The following CAST variants were observed in gnomAD, a reference collection of about 807,000 sequenced individuals.
The protein encoded by CAST is MIR583 host.
In CAST, 76 loss-of-function variants were observed where a neutral mutation model predicts 119.6. That is an observed-to-expected ratio of 0.64 (90% CI 0.53 to 0.77). CAST has a LOEUF of 0.77. Ranked by LOEUF, CAST falls within the 30% of genes least tolerant of loss-of-function variation. The pLI is 0.00. For missense variants in CAST, 953 were observed against 946.5 expected (o/e 1.01, Z -0.09); for synonymous variants, 319 against 331.6 (o/e 0.96, Z 0.41).
At chr5:96,602,191 C>A (rs767979656) in intron 1 of CAST, among the ~76,000 whole-genome samples, 6 of 152,204 alleles carry the variant, frequency 3.9e-5, no homozygotes, top group Non-Finnish European at 8.8e-5. Context: ...TTGAGGACGG[C>A]TGAAACAGTA....
the CAST span, among the ~76,000 whole-genome samples, chr5:96,273,520 A>G: frequency 6.6e-6 from 1 of 152,208 alleles, no homozygotes; most frequent in African/African-American, 2.4e-5. Flanking sequence ...TGGCCTGTCG[A>G]TGAATGACAA....
the CAST span, among the ~76,000 whole-genome samples, chr5:96,394,165 G>A: frequency 1.5e-4 from 23 of 152,270 alleles, no homozygotes; most frequent in African/African-American, 4.3e-4. Context: ...AGAGCAGGGC[G>A]TTCTGAAAAT....
chr5:96,624,252 C>G (rs186307902), intron 1 of CAST, among the ~76,000 whole-genome samples: 7 of 152,180 alleles, frequency 4.6e-5, no homozygotes, highest in African/African-American at 1.4e-4. Context: ...CTACGCACAC[C>G]TCACTATGGG....
the CAST span, among the ~76,000 whole-genome samples, chr5:96,331,153 G>C: frequency 6.6e-6 from 1 of 152,218 alleles, no homozygotes; most frequent in East Asian, 1.9e-4. Flanking sequence ...TACAGGTTAA[G>C]AAACCTTGAC....
At chr5:96,178,213 C>A in the CAST span, among the ~76,000 whole-genome samples, 2 of 152,164 alleles carry the variant, frequency 1.3e-5, no homozygotes, top group African/African-American at 4.8e-5. Context: ...TAAAACTCAC[C>A]TAAATAGTAA....
chr5:96,362,540 A>T, the CAST span, among the ~76,000 whole-genome samples: 1 of 152,222 alleles, frequency 6.6e-6, no homozygotes, highest in African/African-American at 2.4e-5. Context: ...CTGGTGTGAG[A>T]TGGTATCTCA....
intron 1 of CAST, among the ~76,000 whole-genome samples, chr5:96,538,350 A>G (rs1283963961): frequency 6.6e-6 from 1 of 152,236 alleles, no homozygotes; most frequent in Non-Finnish European, 1.5e-5. Context: ...TGATCCTTAT[A>G]TCATACCTAT....
chr5:96,049,536 C>A, the CAST span, among the ~76,000 whole-genome samples: 4 of 152,124 alleles, frequency 2.6e-5, no homozygotes, highest in African/African-American at 9.7e-5. Flanking sequence ...TTGAATGCCT[C>A]AGGGAGGCAG....
In CAST at chr5:96,534,720, A is replaced by AAGGAAGGAAGGAAGGAAGGAAGGAAG. The variant is rs1357381564; in HGVS notation, c.60+4840_60+4841insAGGAAGGAAGGAAGGAAGGAAGGAAG. Among the ~76,000 whole-genome samples the AAGGAAGGAAGGAAGGAAGGAAGGAAG allele has an allele frequency of 4.2e-3, 91 of 21,704 alleles. 9 individuals are homozygous for AAGGAAGGAAGGAAGGAAGGAAGGAAG. Among genetic ancestry groups the AAGGAAGGAAGGAAGGAAGGAAGGAAG allele is most frequent in the East Asian group, 0.01 (4 of 400 alleles). 14.2% of individuals were successfully genotyped at this position (21,704 alleles called of 152,430 possible). A position where few individuals can be genotyped will look rare whatever the true frequency, so the allele number is the denominator to read the frequency against. ...GAAGGAAGGAAGGAAGGAAGGAGAGAGAGAGAGAGAGAGAGAGAGAGAAAG... is the reference window on the plus strand; with the variant it reads ...GAAGGAAGGAAGGAAGGAAGGAGAGAAGGAAGGAAGGAAGGAAGGAAGGAAGGAGAGAGAGAGAGAGAGAGAGAAAG... On this transcript the variant is annotated intron_variant, in intron 1 of 11. Coordinates refer to the CAST transcript ENST00000505143.
intron 1 of CAST, among the ~76,000 whole-genome samples, chr5:96,599,245 G>T (rs1340600956): frequency 2.0e-5 from 3 of 152,180 alleles, no homozygotes; most frequent in Non-Finnish European, 4.4e-5. Context: ...TTAACTTAGG[G>T]GGTGAAAGAG....
At chr5:96,217,204 A>ATTTTTTTGT in the CAST span, among the ~76,000 whole-genome samples, 1 of 97,020 alleles carries the variant, frequency 1.0e-5, no homozygotes, top group Non-Finnish European at 2.0e-5. Context: ...ATGCTAGCTA[A>ATTTTTTTGT]TTTTTTTTTT....
chr5:96,397,591 A>G, the CAST span: 3 of 887,134 alleles, frequency 3.4e-6, no homozygotes, highest in Admixed American at 1.9e-5. Flanking sequence ...CTCTTTTAGT[A>G]TAAGACCAGG....
the CAST span, among the ~76,000 whole-genome samples, chr5:95,996,681 A>G: frequency 6.6e-6 from 1 of 152,186 alleles, no homozygotes; most frequent in Non-Finnish European, 1.5e-5. Context: ...CAGTGTACAT[A>G]ATAATCACCT....
the CAST span, among the ~76,000 whole-genome samples, chr5:96,133,848 G>A: frequency 4.3e-4 from 66 of 152,274 alleles, no homozygotes; most frequent in East Asian, 4.8e-3. Flanking sequence ...CAAGGGCTAC[G>A]AAAGGTCAAG....
At chr5:95,971,112 T>G in the CAST span, among the ~76,000 whole-genome samples, 1 of 152,210 alleles carries the variant, frequency 6.6e-6, no homozygotes, top group Non-Finnish European at 1.5e-5. Context: ...ATGATTTAGC[T>G]TTGTCAAGTG....
At chr5:96,097,395 A>G in the CAST span, among the ~76,000 whole-genome samples, 1 of 151,176 alleles carries the variant, frequency 6.6e-6, no homozygotes, top group African/African-American at 2.4e-5. Flanking sequence ...TTATATAGGT[A>G]AACTTGTGCC....
chr5:96,692,521 T>C (rs933917965), intron 2 of CAST, among the ~76,000 whole-genome samples: 2 of 152,230 alleles, frequency 1.3e-5, no homozygotes, highest in African/African-American at 2.4e-5. Flanking sequence ...CAGCATGCTT[T>C]GGCTGCACTG....
chr5:96,022,180 T>A, the CAST span, among the ~76,000 whole-genome samples: 1 of 152,208 alleles, frequency 6.6e-6, no homozygotes, highest in Non-Finnish European at 1.5e-5. Context: ...GGTTTTGGTA[T>A]CTTTGGCGGT....
chr5:96,423,323 T>C, the CAST span: 2 of 1,610,064 alleles, frequency 1.2e-6, no homozygotes, highest in Non-Finnish European at 1.7e-6. Flanking sequence ...ATAGTTGGCA[T>C]AAATGTCCGT....
Sources: allele counts gnomAD v4.1 joint callset (sites outside exome capture counted in the v4.1 genomes callset), GRCh38; gene constraint gnomAD v4.1.1; transcripts MANE v1.5; gene names NCBI Gene and HGNC (gene_info 2026-07-23, HGNC 2026-07-21).